Variants in CDC14A observed in about 807,000 individuals in gnomAD.
The protein encoded by CDC14A is cell division cycle 14A.
In CDC14A, 53 loss-of-function variants were observed where a neutral mutation model predicts 74.4. The ratio of observed to expected loss-of-function variants is 0.71; its 90% CI spans 0.57 to 0.89. The LOEUF (loss-of-function observed/expected upper bound fraction) is 0.89, where lower values mean the gene tolerates loss of function less well. CDC14A is among the 40% of genes least tolerant of loss of function. The probability of loss-of-function intolerance (pLI) is 0.00; values close to 1 mark genes in which losing one functional copy is unlikely to be tolerated. For synonymous variants in CDC14A, 247 were observed against 258.4 expected (o/e 0.96, Z 0.43); for missense variants, 646 against 713.7 (o/e 0.91, Z 1.08).
intron 2 of CDC14A, among the ~76,000 whole-genome samples, chr1:100,375,566 A>G (rs1365619877): frequency 6.6e-6 from 1 of 152,240 alleles, no homozygotes; most frequent in Non-Finnish European, 1.5e-5. Flanking sequence ...ATCACTGGCC[A>G]TCAGAGAAAT....
chr1:100,487,267 G>C (rs934229193), intron 11 of CDC14A, among the ~76,000 whole-genome samples: 23 of 152,256 alleles, frequency 1.5e-4, no homozygotes, highest in African/African-American at 5.5e-4. Flanking sequence ...AATTCGAATA[G>C]AGTTTTTTAG....
intron 4 of CDC14A, among the ~76,000 whole-genome samples, chr1:100,405,611 T>C (rs1659842920): frequency 6.6e-6 from 1 of 152,252 alleles, no homozygotes; most frequent in Non-Finnish European, 1.5e-5. Context: ...CTCCCACTTA[T>C]GAGTGAGAAC....
At chr1:100,359,439 ATGGGACAACTT>A (rs924952117) in intron 2 of CDC14A, among the ~76,000 whole-genome samples, 1 of 152,156 alleles carries the variant, frequency 6.6e-6, no homozygotes, top group African/African-American at 2.4e-5. Flanking sequence ...TGGGGAGGGT[ATGGGACAACTT>A]TGCCCCTTCC....
intron 15 of CDC14A, among the ~76,000 whole-genome samples, chr1:100,516,391 A>G (rs1421443051): frequency 1.3e-5 from 2 of 152,148 alleles, no homozygotes; most frequent in African/African-American, 4.8e-5. Context: ...TATTTGCTAC[A>G]TCTCTGTTTA....
At chr1:100,390,910 T>G (rs543443373) in intron 4 of CDC14A, 86 bp downstream of exon 4, 3 of 937,508 alleles carry the variant, frequency 3.2e-6, no homozygotes, top group African/African-American at 3.3e-5. Flanking sequence ...AGTTTTTCAG[T>G]GGGATTGAGA....
chr1:100,492,055 A>G (rs1670760498), intron 11 of CDC14A, among the ~76,000 whole-genome samples: 1 of 152,004 alleles, frequency 6.6e-6, no homozygotes, highest in African/African-American at 2.4e-5. Flanking sequence ...TGGGTAGTTA[A>G]GTGCATGGCT....
chr1:100,365,234 GA>G, intron 2 of CDC14A, among the ~76,000 whole-genome samples: 1 of 152,316 alleles, frequency 6.6e-6, no homozygotes, highest in East Asian at 1.9e-4. Flanking sequence ...GAATTTCATG[GA>G]AAAAGTTGTG....
intron 5 of CDC14A, among the ~76,000 whole-genome samples, chr1:100,437,774 T>C (rs1664504675): frequency 6.6e-6 from 1 of 152,198 alleles, no homozygotes; most frequent in African/African-American, 2.4e-5. Context: ...CTGGAACTTT[T>C]TCTGGTAGCT....
intron 3 of CDC14A, among the ~76,000 whole-genome samples, chr1:100,390,068 A>G (rs1411602727): frequency 6.6e-6 from 1 of 152,204 alleles, no homozygotes; most frequent in Non-Finnish European, 1.5e-5. Context: ...TTAGTTAAAT[A>G]CTTGAGCATG....
chr1:100,348,092 G>C (rs561936069), upstream of CDC14A, among the ~76,000 whole-genome samples: 104 of 152,048 alleles, frequency 6.8e-4, 1 homozygote, highest in South Asian at 0.021. Flanking sequence ...GACCATCCTG[G>C]CCAATATGGC....
chr1:100,376,775 A>G (rs932411149), intron 2 of CDC14A, among the ~76,000 whole-genome samples: 5 of 152,178 alleles, frequency 3.3e-5, no homozygotes, highest in Admixed American at 3.3e-4. Flanking sequence ...AAGTTCATGG[A>G]GAACGAAAAC....
chr1:100,492,348 C>A (rs1670787701), intron 11 of CDC14A, among the ~76,000 whole-genome samples: 1 of 152,126 alleles, frequency 6.6e-6, no homozygotes, highest in Non-Finnish European at 1.5e-5. Flanking sequence ...ATCTCTGGAC[C>A]CACTTCCAAA....
At chr1:100,515,581 C>T (rs144447073) in intron 15 of CDC14A, among the ~76,000 whole-genome samples, 2 of 152,116 alleles carry the variant, frequency 1.3e-5, no homozygotes, top group East Asian at 1.9e-4. Flanking sequence ...GATGGAGTTT[C>T]GCCATGTTGG....
At chr1:100,368,042 C>G (rs1396416973) in intron 2 of CDC14A, among the ~76,000 whole-genome samples, 3 of 152,158 alleles carry the variant, frequency 2.0e-5, no homozygotes, top group Non-Finnish European at 4.4e-5. Flanking sequence ...ATAAAAATTA[C>G]CAGGGCCTAT....
intron 4 of CDC14A, among the ~76,000 whole-genome samples, chr1:100,420,049 C>CACACACAT (rs1553180454): frequency 1.4e-4 from 2 of 14,250 alleles, no homozygotes; most frequent in African/African-American, 5.6e-4. Flanking sequence ...CACACACACA[C>CACACACAT]ACACACACAC....
intron 4 of CDC14A, among the ~76,000 whole-genome samples, chr1:100,414,104 G>A (rs183787639): frequency 6.6e-6 from 1 of 152,184 alleles, no homozygotes; most frequent in East Asian, 1.9e-4. Context: ...ATATTATCAT[G>A]TTTGGACTAG....
chr1:100,497,705 G>T (rs570924444), intron 13 of CDC14A, among the ~76,000 whole-genome samples: 1 of 152,302 alleles, frequency 6.6e-6, no homozygotes, highest in South Asian at 2.1e-4. Flanking sequence ...AAGGGCAGTG[G>T]CCCAGGAAGA....
intron 11 of CDC14A, among the ~76,000 whole-genome samples, chr1:100,493,530 A>G (rs1394520713): frequency 1.3e-5 from 2 of 152,228 alleles, no homozygotes; most frequent in African/African-American, 4.8e-5. Flanking sequence ...GATAGAACTG[A>G]ATGGTAAAAC....
At chr1:100,487,556 T>C (rs1670147483) in intron 11 of CDC14A, among the ~76,000 whole-genome samples, 1 of 67,350 alleles carries the variant, frequency 1.5e-5, no homozygotes, top group African/African-American at 3.8e-5. Context: ...TGAGACTCGG[T>C]CTCAAAAACA....
Sources: allele counts gnomAD v4.1 joint callset (sites outside exome capture counted in the v4.1 genomes callset), GRCh38; gene constraint gnomAD v4.1.1; transcripts MANE v1.5; gene names NCBI Gene and HGNC (gene_info 2026-07-23, HGNC 2026-07-21).